Variants in HAPLN2 observed in about 807,000 individuals in gnomAD.
HAPLN2 encodes hyaluronan and proteoglycan link protein 2.
Under a neutral mutation model 29.3 loss-of-function variants are expected in HAPLN2, and 27 were observed. That is an observed-to-expected ratio of 0.92 (90% confidence interval 0.68 to 1.27). HAPLN2 has a LOEUF of 1.27. Among genes scored for constraint, HAPLN2 ranks in the 50% most tolerant of loss-of-function variants. The probability of loss-of-function intolerance (pLI) is 0.00; values close to 1 mark genes in which losing one functional copy is unlikely to be tolerated. For missense variants in HAPLN2, 454 were observed against 484.3 expected (o/e 0.94, Z 0.59); for synonymous variants, 208 against 211.7 (o/e 0.98, Z 0.15).
rs1678327874 is a variant in HAPLN2 at position 156,623,577 on chromosome 1, T to G, written c.85+2T>G. ...TCCACAAAGCCCAAGGAGACCCAGG[T>G]AAGACCCCAGCCCAGGCCAGAATCT... is the stretch of plus-strand genomic sequence containing the variant. On this transcript the variant is annotated splice_donor_variant, in intron 3 of 6. Transcript: ENST00000255039. LOFTEE classifies it high-confidence loss of function. The G allele has an allele frequency of 2.5e-6, 4 of 1,613,772 alleles. No individual in the cohort carries two copies. The Admixed American group carries it at 6.7e-5, about 27-fold the overall frequency.
upstream of HAPLN2, among the ~76,000 whole-genome samples, chr1:156,618,374 C>T (rs943777419): frequency 4.9e-5 from 7 of 144,316 alleles, no homozygotes; most frequent in Non-Finnish European, 7.5e-5. Context: ...TAGATAATTT[C>T]GAGGCTAAGG....
the HAPLN2 span, among the ~76,000 whole-genome samples, chr1:156,611,998 A>G: frequency 6.6e-6 from 1 of 152,130 alleles, no homozygotes; most frequent in Non-Finnish European, 1.5e-5. Flanking sequence ...ATTTATTCAG[A>G]AAATATCTTC....
At chr1:156,606,443 A>AG in the HAPLN2 span, among the ~76,000 whole-genome samples, 2 of 150,038 alleles carry the variant, frequency 1.3e-5, no homozygotes, top group East Asian at 3.9e-4. Context: ...AAAAAAAAAA[A>AG]AAAAGGAAAG....
intron 2 of HAPLN2, among the ~76,000 whole-genome samples, chr1:156,620,754 TC>T (rs1258300860): frequency 6.6e-6 from 1 of 152,158 alleles, no homozygotes; most frequent in Non-Finnish European, 1.5e-5. Context: ...CCCCATCCCA[TC>T]TTCCCATGAA....
the HAPLN2 span, among the ~76,000 whole-genome samples, chr1:156,611,617 A>G: frequency 1.3e-5 from 2 of 152,122 alleles, no homozygotes; most frequent in African/African-American, 4.8e-5. Context: ...AAGTATAATA[A>G]TAAACAAACA....
Position 156,623,915 on chromosome 1 carries a change from G to C in HAPLN2, c.194G>C (p.Ser65Thr), listed in dbSNP as rs771471684. Residue 65 changes from serine (S) to threonine (T), a missense_variant, in exon 4 of 7, where the codon AGC becomes ACC. By Grantham distance (58) the Ser-to-Thr change is moderately conservative. Coordinates refer to ENST00000255039, the MANE Select transcript of HAPLN2 (RefSeq NM_021817.3). ...LPCVLGTTPP[S>T]YKVRWSKVEP... ...TGCGTCCTGGGCACCACGCCTCCCA[G>C]CTACAAGGTGCGCTGGAGCAAGGTG... is the stretch of plus-strand genomic sequence containing the variant. 24 of 1,604,164 alleles carry C rather than the reference G, an allele frequency of 1.5e-5. No homozygotes were observed. The Admixed American group carries it at 1.9e-4, about 12-fold the overall frequency.
the HAPLN2 span, among the ~76,000 whole-genome samples, chr1:156,606,954 C>G: frequency 6.6e-6 from 1 of 152,214 alleles, no homozygotes; most frequent in Non-Finnish European, 1.5e-5. Context: ...AATTTCCCAT[C>G]TCCTAACCCC....
chr1:156,624,976 C>T (rs1678399917), intron 6 of HAPLN2, 125 bp from the exon 7 acceptor site: 2 of 1,267,244 alleles, frequency 1.6e-6, no homozygotes, highest in Non-Finnish European at 2.1e-6. Context: ...CTCGATCCCC[C>T]AACTCCTCTT....
upstream of HAPLN2, among the ~76,000 whole-genome samples, chr1:156,618,438 C>T (rs1347690898): frequency 1.3e-5 from 2 of 151,434 alleles, no homozygotes; most frequent in African/African-American, 4.9e-5. Context: ...ATGATTGGGC[C>T]ACTGCACTCC....
upstream of HAPLN2, among the ~76,000 whole-genome samples, chr1:156,617,169 G>A (rs1055991970): frequency 2.6e-4 from 40 of 152,060 alleles, no homozygotes; most frequent in African/African-American, 9.2e-4. Context: ...AAAACCTGGA[G>A]CTTGTCTGAA....
the HAPLN2 span, among the ~76,000 whole-genome samples, chr1:156,604,659 C>A: frequency 6.6e-6 from 1 of 152,104 alleles, no homozygotes; most frequent in African/African-American, 2.4e-5. Flanking sequence ...AAAATGTTAC[C>A]TACAGTAAGA....
At chr1:156,616,162 C>T (rs910038407), upstream of HAPLN2, among the ~76,000 whole-genome samples, 10 of 151,974 alleles carry the variant, frequency 6.6e-5, no homozygotes, top group African/African-American at 2.2e-4. Flanking sequence ...AAGGAGATGT[C>T]GGGACTCCGT....
At chr1:156,605,922 G>GGA in the HAPLN2 span, among the ~76,000 whole-genome samples, 1 of 148,758 alleles carries the variant, frequency 6.7e-6, no homozygotes, top group African/African-American at 2.4e-5. Flanking sequence ...GGCCAAGGCA[G>GGA]GAGGATCACT....
At chr1:156,618,207 A>G (rs1678107805), upstream of HAPLN2, among the ~76,000 whole-genome samples, 1 of 148,784 alleles carries the variant, frequency 6.7e-6, no homozygotes, top group South Asian at 2.1e-4. Context: ...CTGAGGAAAG[A>G]GGAGGATGGC....
the HAPLN2 span, among the ~76,000 whole-genome samples, chr1:156,604,058 C>T: frequency 9.2e-5 from 14 of 152,136 alleles, no homozygotes; most frequent in South Asian, 2.9e-3. Flanking sequence ...CATACCTCCT[C>T]ACAAGGGTAG....
the HAPLN2 span, among the ~76,000 whole-genome samples, chr1:156,604,293 C>CTTTTTTT: frequency 2.0e-5 from 3 of 147,020 alleles, no homozygotes; most frequent in African/African-American, 2.5e-5. Flanking sequence ...TTGAAGAATT[C>CTTTTTTT]TTTTTTTTTT....
At chr1:156,614,278 G>A in the HAPLN2 span, among the ~76,000 whole-genome samples, 1 of 151,076 alleles carries the variant, frequency 6.6e-6, no homozygotes, top group Non-Finnish European at 1.5e-5. Context: ...AGGCTGGAGT[G>A]CAGTGGTGCA....
intron 2 of HAPLN2, among the ~76,000 whole-genome samples, chr1:156,623,049 T>TAA (rs200510721): frequency 2.8e-5 from 3 of 105,602 alleles, no homozygotes; most frequent in East Asian, 3.0e-4. Context: ...AATAAATAAA[T>TAA]AAATAAATAA....
chr1:156,612,769 A>T, the HAPLN2 span, among the ~76,000 whole-genome samples: 1 of 152,162 alleles, frequency 6.6e-6, no homozygotes, highest in Non-Finnish European at 1.5e-5. Flanking sequence ...GGTTCCTTGC[A>T]TGCTGGAGAT....
Sources: allele counts gnomAD v4.1 joint callset (sites outside exome capture counted in the v4.1 genomes callset), GRCh38; gene constraint gnomAD v4.1.1; transcripts MANE v1.5; gene names NCBI Gene and HGNC (gene_info 2026-07-23, HGNC 2026-07-21).